Variants in APBB2 observed in about 807,000 individuals in gnomAD.
The protein encoded by APBB2 is Fe65-like 1.
In APBB2, 38 loss-of-function variants were observed where a neutral mutation model predicts 82.5. That is an observed-to-expected ratio of 0.46 (90% confidence interval 0.36 to 0.60). The LOEUF (loss-of-function observed/expected upper bound fraction) is 0.60, where lower values mean the gene tolerates loss of function less well. APBB2 is among the 20% of genes least tolerant of loss of function. The probability of loss-of-function intolerance (pLI) is 0.00; values close to 1 mark genes in which losing one functional copy is unlikely to be tolerated. For synonymous variants in APBB2, 341 were observed against 368.2 expected (o/e 0.93, Z 0.85); for missense variants, 772 against 972.3 (o/e 0.79, Z 2.74).
intron 10 of APBB2, among the ~76,000 whole-genome samples, chr4:40,897,695 G>C (rs959630728): frequency 6.6e-6 from 1 of 152,120 alleles, no homozygotes; most frequent in Non-Finnish European, 1.5e-5. Flanking sequence ...AGGTGTAAGC[G>C]GGACTAGGCA....
intron 3 of APBB2, among the ~76,000 whole-genome samples, chr4:41,096,077 T>A (rs1448726901): frequency 2.0e-5 from 3 of 152,230 alleles, no homozygotes; most frequent in Admixed American, 6.5e-5. Context: ...ATTATCTCCC[T>A]ACTTTCTGTC....
At chr4:41,155,574 C>T (rs1315524454) in intron 1 of APBB2, among the ~76,000 whole-genome samples, 2 of 152,066 alleles carry the variant, frequency 1.3e-5, no homozygotes, top group Admixed American at 6.5e-5. Context: ...GAAAGGAGGA[C>T]GAATAAGAGA....
chr4:41,084,631 C>T (rs1738964194), intron 3 of APBB2: 1 of 152,112 alleles, frequency 6.6e-6, no homozygotes, highest in African/African-American at 2.4e-5. Context: ...AGCACATATA[C>T]TAAAATCAGA....
intron 6 of APBB2, among the ~76,000 whole-genome samples, chr4:40,995,121 C>G (rs982157699): frequency 2.0e-5 from 3 of 152,094 alleles, no homozygotes; most frequent in Non-Finnish European, 4.4e-5. Flanking sequence ...TCATCCAACA[C>G]CCCTTTGGCT....
chr4:40,833,165 C>T (rs984559784), intron 12 of APBB2, among the ~76,000 whole-genome samples: 2 of 152,220 alleles, frequency 1.3e-5, no homozygotes, highest in African/African-American at 2.4e-5. Context: ...CCACGTCTCC[C>T]GGCACACAAC....
chr4:40,965,156 G>C (rs894125300), intron 6 of APBB2, among the ~76,000 whole-genome samples: 7 of 151,682 alleles, frequency 4.6e-5, no homozygotes, highest in Non-Finnish European at 8.8e-5. Context: ...TTGACTATGG[G>C]TGGAAAAACG....
intron 6 of APBB2, among the ~76,000 whole-genome samples, chr4:40,966,314 C>T (rs1438170552): frequency 2.0e-5 from 3 of 152,196 alleles, no homozygotes; most frequent in African/African-American, 4.8e-5. Context: ...CTTGCATTTT[C>T]GTCTTTGTGA....
chr4:41,060,804 G>A (rs1232167038), intron 4 of APBB2, among the ~76,000 whole-genome samples: 1 of 152,088 alleles, frequency 6.6e-6, no homozygotes, highest in African/African-American at 2.4e-5. Flanking sequence ...CATACCAGAG[G>A]GGAAACAGCA....
At chr4:40,849,390 G>C (rs1758602989) in intron 12 of APBB2, among the ~76,000 whole-genome samples, 2 of 152,172 alleles carry the variant, frequency 1.3e-5, no homozygotes, top group Admixed American at 6.5e-5. Flanking sequence ...TCCTTCCTTG[G>C]AACATTTGTC....
intron 10 of APBB2, among the ~76,000 whole-genome samples, chr4:40,923,078 C>T (rs933893717): frequency 6.6e-6 from 1 of 151,786 alleles, no homozygotes; most frequent in Non-Finnish European, 1.5e-5. Context: ...CAGGTTCACG[C>T]CATTCTCCTG....
intron 6 of APBB2, among the ~76,000 whole-genome samples, chr4:40,978,539 T>TG (rs1466314236): frequency 6.6e-6 from 1 of 152,020 alleles, no homozygotes; most frequent in Non-Finnish European, 1.5e-5. Flanking sequence ...AAATTAGTAT[T>TG]TTTTTTAAAT....
intron 12 of APBB2, among the ~76,000 whole-genome samples, chr4:40,882,330 G>C (rs1768866326): frequency 6.6e-6 from 1 of 152,146 alleles, no homozygotes; most frequent in African/African-American, 2.4e-5. Context: ...CAAAACCTCG[G>C]ACTGCAGAGG....
At chr4:40,870,851 G>A (rs1666395374) in intron 12 of APBB2, among the ~76,000 whole-genome samples, 2 of 150,812 alleles carry the variant, frequency 1.3e-5, no homozygotes, top group Admixed American at 6.6e-5. Context: ...TCCTGCCTCA[G>A]CCTCCCGAGT....
At chr4:41,153,227 T>C (rs151090789) in intron 1 of APBB2, among the ~76,000 whole-genome samples, 1 of 152,294 alleles carries the variant, frequency 6.6e-6, no homozygotes, top group East Asian at 1.9e-4. Flanking sequence ...TTGAACTACT[T>C]GAAGTGAGAG....
chr4:41,122,852 T>C (rs1332778519), intron 2 of APBB2, among the ~76,000 whole-genome samples: 1 of 152,208 alleles, frequency 6.6e-6, no homozygotes, highest in African/African-American at 2.4e-5. Flanking sequence ...TGCCGTGCCA[T>C]GCCCTCCGAA....
intron 2 of APBB2, among the ~76,000 whole-genome samples, chr4:41,141,277 G>A (rs1392431399): frequency 6.6e-6 from 1 of 152,104 alleles, no homozygotes; most frequent in African/African-American, 2.4e-5. Flanking sequence ...GCTGGGTTTA[G>A]GCACTGCTGA....
intron 6 of APBB2, among the ~76,000 whole-genome samples, chr4:40,984,523 C>T (rs1159251013): frequency 6.6e-6 from 1 of 152,088 alleles, no homozygotes. Context: ...AGGCCAAATT[C>T]CCTGACACTC....
At chr4:41,166,198 A>G (rs1192901271) in intron 1 of APBB2, among the ~76,000 whole-genome samples, 4 of 152,002 alleles carry the variant, frequency 2.6e-5, no homozygotes, top group Non-Finnish European at 5.9e-5. Context: ...CCAAAAGGGA[A>G]GCAAGAAGCC....
intron 12 of APBB2, among the ~76,000 whole-genome samples, chr4:40,867,392 G>C (rs938864482): frequency 1.3e-5 from 2 of 152,016 alleles, no homozygotes; most frequent in Non-Finnish European, 2.9e-5. Context: ...TTTCACTATA[G>C]CACCCCATTA....
Sources: allele counts gnomAD v4.1 joint callset (sites outside exome capture counted in the v4.1 genomes callset), GRCh38; gene constraint gnomAD v4.1.1; transcripts MANE v1.5; gene names NCBI Gene and HGNC (gene_info 2026-07-23, HGNC 2026-07-21).